QRICH2: variants seen among roughly 807,000 people sequenced by gnomAD.
QRICH2 encodes glutamine-rich protein 2.
In QRICH2, 119 loss-of-function variants were observed where a neutral mutation model predicts 168.3. The observed-to-expected ratio is 0.71, with a 90% CI of 0.61 to 0.82. The LOEUF is 0.82. Among genes scored for constraint, QRICH2 ranks in the 40% least tolerant of loss-of-function variants. The probability of loss-of-function intolerance (pLI) is 0.00; values close to 1 mark genes in which losing one functional copy is unlikely to be tolerated. For missense variants in QRICH2, 2,241 were observed against 2,491.6 expected, an observed-to-expected ratio of 0.90 and a Z score of 2.14; for synonymous variants, 894 against 951.2, an observed-to-expected ratio of 0.94 and a Z score of 1.11.
chr17:76,296,599 G>A (rs1418886054), intron 3 of QRICH2, among the ~76,000 whole-genome samples: 2 of 152,038 alleles, frequency 1.3e-5, no homozygotes, highest in Admixed American at 1.3e-4. Flanking sequence ...CCAACAAGGC[G>A]AAACCCCATC....
chr17:76,289,951 C>CAAAA (rs370221376), intron 5 of QRICH2, 41 bp downstream of exon 5: 4 of 1,163,792 alleles, frequency 3.4e-6, no homozygotes, highest in Non-Finnish European at 4.8e-6. Flanking sequence ...AACTCCATCT[C>CAAAA]AAAAAAAAAA....
At chr17:76,308,593 T>C (rs966791097), upstream of QRICH2, 1 of 621,362 alleles carries the variant, frequency 1.6e-6, no homozygotes, top group African/African-American at 2.0e-5. Context: ...AGGGATGCAG[T>C]CCTGGGGCCC....
intron 3 of QRICH2, among the ~76,000 whole-genome samples, chr17:76,294,677 A>G (rs2070766243): frequency 6.6e-6 from 1 of 151,212 alleles, no homozygotes; most frequent in South Asian, 2.1e-4. Flanking sequence ...GCTGGGTGTG[A>G]TAGTGCATGC....
intron 3 of QRICH2, among the ~76,000 whole-genome samples, chr17:76,294,694 T>A (rs2070766784): frequency 6.6e-6 from 1 of 150,642 alleles, no homozygotes; most frequent in Admixed American, 6.7e-5. Context: ...ATGCCTGTAA[T>A]CCCAGCTACT....
intron 7 of QRICH2, 35 bp downstream of exon 7, chr17:76,287,157 T>G: frequency 6.7e-7 from 1 of 1,491,192 alleles, no homozygotes. Context: ...AGAAGGGCCC[T>G]TGGTCCCTGG....
chr17:76,281,967 C>T lies in QRICH2; in HGVS notation c.4160G>A (p.Ser1387Asn). ...CCGCACCAGCGTGCTGACCTGATGGCTCACATCCAGGCTGCAGGCTGGACA... is the reference window on the plus strand; with the variant it reads ...CCGCACCAGCGTGCTGACCTGATGGTTCACATCCAGGCTGCAGGCTGGACA... ...ATCPACSLDV[S>N]HQVSTLVRRY... Residue 1387 changes from serine (S) to asparagine (N), a missense_variant, in exon 8 of 19, where the codon AGC (serine) becomes AAC (asparagine). Transcript: ENST00000680821. This position sits in a 1 kb window ranked among gnomAD's most constrained non-coding sequence, Gnocchi z 4.4. 4 of 1,613,798 alleles carry T rather than the reference C, an allele frequency of 2.5e-6. No homozygotes were observed. The highest frequency in any genetic ancestry group is 2.5e-6 in the Non-Finnish European group (3 of 1,179,950).
rs147255233 is a variant in QRICH2 at position 76,292,496 on chromosome 17, C to G, written c.2231G>C (p.Arg744Pro). Reference sequence around the variant, plus strand: ...GACCAAACCACGCTGATGATCTGCACGAGGTTGTGCCAAACCACGCTGATC... The same window carrying G: ...GACCAAACCACGCTGATGATCTGCAGGAGGTTGTGCCAAACCACGCTGATC... ...GVDQRGLAQP[R>P]ADHQRGLVPP... The change falls in exon 4 of 19, where the codon CGT becomes CCT. Residue 744 changes from arginine to proline, a missense_variant. Around this residue, in one of 3 missense-constraint regions of QRICH2, gnomAD observed 2,047 missense variants for 2,303.8 expected, o/e 0.89. Transcript: ENST00000680821. 6.4e-6 allele frequency: 10 copies of G among 1,562,390 alleles called. No homozygotes were observed. The East Asian group carries it at 1.2e-4, about 19-fold the overall frequency.
In QRICH2 at chr17:76,288,154, CG is replaced by C. The variant is rs373810068; in HGVS notation, c.3799-258del. Among the ~76,000 whole-genome samples the C allele has an allele frequency of 4.1e-4, 62 of 151,856 alleles. 1 individual carries two copies. The East Asian group carries it at 0.011, about 27-fold the overall frequency. ...TCCCAGCACTTTTGAGAGGCCGAGGCGGGTGGATCACCTGAGGTCAGGAGTT... is the reference window on the plus strand; with the variant it reads ...TCCCAGCACTTTTGAGAGGCCGAGGCGGTGGATCACCTGAGGTCAGGAGTT... On this transcript the variant is annotated intron_variant, in intron 5 of 18. Coordinates refer to ENST00000680821, the MANE Select transcript of QRICH2 (RefSeq NM_001388453.1).
intron 3 of QRICH2, among the ~76,000 whole-genome samples, chr17:76,300,163 A>G (rs1013446251): frequency 6.6e-6 from 1 of 152,026 alleles, no homozygotes; most frequent in Admixed American, 6.6e-5. Context: ...CCACTATCGT[A>G]CTGTTTTTAC....
intron 7 of QRICH2, among the ~76,000 whole-genome samples, chr17:76,286,560 G>A (rs968104950): frequency 1.3e-5 from 2 of 152,124 alleles, no homozygotes; most frequent in African/African-American, 4.8e-5. Flanking sequence ...AAATGTTTTG[G>A]AATTAGATTG....
chr17:76,277,568 ACACACACACATACATG>A (rs1281652807), intron 15 of QRICH2, among the ~76,000 whole-genome samples: 5 of 151,980 alleles, frequency 3.3e-5, no homozygotes, highest in African/African-American at 1.2e-4. Context: ...ACACACAGTC[ACACACACACATACATG>A]CACACACACA....
Position 76,274,114 on chromosome 17 carries a change from GCTC to G in QRICH2, c.5626_5628del (p.Glu1876del). On this transcript the variant is annotated inframe_deletion, in exon 19 of 19. Transcript: ENST00000680821. ...GTGCTGGACCGCGGCCCCCGCGTGGGCTCCTCGAGCCCCTCCCCAGGAGGCATG... is the reference window on the plus strand; with the variant it reads ...GTGCTGGACCGCGGCCCCCGCGTGGGCTCGAGCCCCTCCCCAGGAGGCATG... 3 of 1,584,890 alleles carry G rather than the reference GCTC, an allele frequency of 1.9e-6. No individual in the cohort carries two copies. Among genetic ancestry groups the G allele is most frequent in the Non-Finnish European group, 2.6e-6 (3 of 1,169,510 alleles).
At chr17:76,308,935 C>CG (rs200254524), upstream of QRICH2, among the ~76,000 whole-genome samples, 13,284 of 150,654 alleles carry the variant, frequency 0.088, 1,206 homozygotes, top group African/African-American at 0.23. Context: ...TTAGCAGAGA[C>CG]GGGGTTTCAC....
chr17:76,285,784 G>A (rs1251588540), intron 7 of QRICH2, among the ~76,000 whole-genome samples: 1 of 151,970 alleles, frequency 6.6e-6, no homozygotes, highest in Non-Finnish European at 1.5e-5. Context: ...AGGAGTTGGA[G>A]ATTGCAGTGA....
chr17:76,306,168 CAAAAAAA>C (rs368182885), intron 1 of QRICH2, among the ~76,000 whole-genome samples: 7,940 of 68,166 alleles, frequency 0.12, 355 homozygotes, highest in African/African-American at 0.22. Flanking sequence ...GAATGTGTCT[CAAAAAAA>C]AAAAAAAAAA....
intron 3 of QRICH2, among the ~76,000 whole-genome samples, chr17:76,302,577 C>G (rs1036783285): frequency 1.3e-5 from 2 of 152,076 alleles, no homozygotes; most frequent in Admixed American, 1.3e-4. Context: ...AAGAAGGAGG[C>G]TGAAGCTGAT....
intron 3 of QRICH2, among the ~76,000 whole-genome samples, chr17:76,303,091 C>G (rs2070931428): frequency 6.6e-6 from 1 of 151,956 alleles, no homozygotes; most frequent in African/African-American, 2.4e-5. Context: ...ATCATGTTGT[C>G]CAGGCTGGGC....
chr17:76,300,296 C>T (rs1455629500), intron 3 of QRICH2, among the ~76,000 whole-genome samples: 2 of 152,016 alleles, frequency 1.3e-5, no homozygotes, highest in Non-Finnish European at 2.9e-5. Flanking sequence ...GATTACTGCT[C>T]ATAATTATGA....
At chr17:76,279,194 C>T in intron 13 of QRICH2, 52 bp from the exon 14 acceptor site, 1 of 1,465,890 alleles carries the variant, frequency 6.8e-7, no homozygotes, top group Non-Finnish European at 9.4e-7. Flanking sequence ...CAAGTCCGGT[C>T]CCCCAAATCC....
Sources: gnomAD v4.1 joint callset for allele counts (sites outside exome capture counted in the v4.1 genomes callset) on GRCh38, gnomAD v4.1.1 for gene constraint, gnomAD v4.1.1 regional missense constraint, Gnocchi (gnomAD v3.1) non-coding constraint, MANE v1.5 for transcripts, NCBI Gene and HGNC (gene_info 2026-07-23, HGNC 2026-07-21) for gene names.